The following MCTP1 variants were observed in gnomAD, a reference collection of about 807,000 sequenced individuals.
The protein encoded by MCTP1 is multiple C2 and transmembrane domain containing 1, also known as multiple C2 and transmembrane domain-containing protein 1.
Under a neutral mutation model 120.6 loss-of-function variants are expected in MCTP1, and 69 were observed. The ratio of observed to expected loss-of-function variants is 0.57; its 90% CI spans 0.47 to 0.70. MCTP1 has a LOEUF of 0.70. MCTP1 is among the 30% of genes least tolerant of loss of function. The probability of loss-of-function intolerance (pLI) is 0.00; values close to 1 mark genes in which losing one functional copy is unlikely to be tolerated. For synonymous variants in MCTP1, 529 were observed against 493.1 expected (o/e 1.07, Z -0.96); for missense variants, 1,203 against 1,248.8 (o/e 0.96, Z 0.55).
intron 19 of MCTP1, among the ~76,000 whole-genome samples, chr5:94,735,452 T>A (rs994865352): frequency 3.3e-5 from 5 of 152,180 alleles, no homozygotes; most frequent in Non-Finnish European, 7.3e-5. Flanking sequence ...TTAATTTTTT[T>A]TTTAAATAGA....
chr5:94,819,139 A>ATTCT (rs1481047069), intron 17 of MCTP1, among the ~76,000 whole-genome samples: 31 of 145,408 alleles, frequency 2.1e-4, no homozygotes, highest in Non-Finnish European at 3.2e-4. Flanking sequence ...TCATTCTTTC[A>ATTCT]TTCATTCGAG....
chr5:94,779,003 T>C, intron 19 of MCTP1, 107 bp downstream of exon 19: 1 of 966,314 alleles, frequency 1.0e-6, no homozygotes, highest in Non-Finnish European at 1.7e-6. Context: ...CACTGTCCAA[T>C]TTTCTGGACT....
chr5:94,901,551 G>C (rs942430822), intron 10 of MCTP1, among the ~76,000 whole-genome samples: 2 of 151,962 alleles, frequency 1.3e-5, no homozygotes, highest in African/African-American at 4.8e-5. Context: ...GAAAAATTAA[G>C]TGATGGCAAG....
At chr5:95,055,506 C>T (rs1468587729) in intron 1 of MCTP1, among the ~76,000 whole-genome samples, 4 of 152,176 alleles carry the variant, frequency 2.6e-5, no homozygotes, top group African/African-American at 4.8e-5. Flanking sequence ...TTATAAACAG[C>T]TCTAGAAAGA....
At chr5:95,117,989 A>T (rs1757943573) in intron 1 of MCTP1, among the ~76,000 whole-genome samples, 1 of 152,192 alleles carries the variant, frequency 6.6e-6, no homozygotes, top group Non-Finnish European at 1.5e-5. Context: ...CAGGGAGAAG[A>T]AAGGGGAACA....
At chr5:94,854,070 G>A (rs1266893370) in intron 17 of MCTP1, among the ~76,000 whole-genome samples, 2 of 151,752 alleles carry the variant, frequency 1.3e-5, no homozygotes, top group African/African-American at 4.8e-5. Flanking sequence ...GATGGGATGG[G>A]TTTAAGGATA....
chr5:95,002,794 T>C (rs1022722006), intron 2 of MCTP1, among the ~76,000 whole-genome samples: 14 of 152,106 alleles, frequency 9.2e-5, no homozygotes, highest in African/African-American at 3.4e-4. Flanking sequence ...AGTTAAGACT[T>C]TGGGAGACTG....
rs549092704 is a variant in MCTP1 at position 94,837,221 on chromosome 5, TA to T, written c.2436+31111del. ...AGCAAGACCTCATCTCTACTAAAAA[TA>T]AAAAAACATTAGCCAGGGCATGGTG... is the stretch of plus-strand genomic sequence containing the variant. On this transcript the variant is annotated intron_variant, in intron 17 of 22. Transcript: ENST00000515393. Among the ~76,000 whole-genome samples, 8 of 151,796 alleles carry T rather than the reference TA, an allele frequency of 5.3e-5. No homozygotes were observed. In the South Asian group the frequency reaches 1.7e-3, roughly 32 times the overall value.
chr5:94,867,948 A>C (rs1797131118), intron 17 of MCTP1: 1 of 159,060 alleles, frequency 6.3e-6, no homozygotes, highest in Non-Finnish European at 1.4e-5. Context: ...AAAAAAATTA[A>C]CTATAGGACA....
intron 2 of MCTP1, among the ~76,000 whole-genome samples, chr5:94,956,504 A>G (rs1822649584): frequency 6.6e-6 from 1 of 152,198 alleles, no homozygotes; most frequent in Non-Finnish European, 1.5e-5. Flanking sequence ...CAATGCAAGG[A>G]GGCTAAAAGC....
At chr5:94,826,233 T>C (rs1787038894) in intron 17 of MCTP1, 3 of 434,858 alleles carry the variant, frequency 6.9e-6, no homozygotes, top group East Asian at 1.0e-4. Context: ...TAACCATGCT[T>C]GTAGATTAGT....
At chr5:95,204,765 T>C (rs1420169277) in intron 1 of MCTP1, among the ~76,000 whole-genome samples, 1 of 152,070 alleles carries the variant, frequency 6.6e-6, no homozygotes. Context: ...TCATTTACAA[T>C]AGCTTGAAAA....
At chr5:94,818,868 C>A (rs1785021275) in intron 17 of MCTP1, among the ~76,000 whole-genome samples, 1 of 152,118 alleles carries the variant, frequency 6.6e-6, no homozygotes, top group African/African-American at 2.4e-5. Flanking sequence ...TTACCAAATT[C>A]AATTTTTCTC....
chr5:95,219,904 C>T (rs548417578), intron 1 of MCTP1, among the ~76,000 whole-genome samples: 1 of 152,178 alleles, frequency 6.6e-6, no homozygotes, highest in East Asian at 1.9e-4. Context: ...AATTTAAAAG[C>T]CAAAAATCAA....
chr5:94,959,832 T>C lies in MCTP1; in HGVS notation c.839-6471A>G, dbSNP rs528746337. On this transcript the variant is annotated intron_variant, in intron 2 of 22. Transcript: ENST00000515393. ...ATAGGAAGAATCAATATCGTGAAAA[T>C]GGCCATACTGCCCAAAGTAATTTAT... Among the ~76,000 whole-genome samples the C allele has an allele frequency of 4.6e-5, 7 of 152,302 alleles. No homozygotes were observed. The South Asian group carries it at 1.4e-3, about 32-fold the overall frequency.
At chr5:95,174,364 T>G (rs1747723747) in intron 1 of MCTP1, among the ~76,000 whole-genome samples, 1 of 151,996 alleles carries the variant, frequency 6.6e-6, no homozygotes, top group African/African-American at 2.4e-5. Flanking sequence ...GAAAAGATAC[T>G]AAACCCAAGA....
chr5:94,727,804 C>G (rs763003504), intron 19 of MCTP1, among the ~76,000 whole-genome samples: 4 of 152,180 alleles, frequency 2.6e-5, no homozygotes, highest in African/African-American at 4.8e-5. Flanking sequence ...ACAGTAACAT[C>G]ATCCACCACT....
At chr5:95,057,721 G>A (rs138935708) in intron 1 of MCTP1, among the ~76,000 whole-genome samples, 79 of 152,060 alleles carry the variant, frequency 5.2e-4, no homozygotes, top group African/African-American at 1.9e-3. Flanking sequence ...ATGGCATTTC[G>A]TACCCAGATT....
chr5:94,796,373 G>T (rs1240822130), intron 18 of MCTP1, among the ~76,000 whole-genome samples: 3 of 151,722 alleles, frequency 2.0e-5, no homozygotes, highest in South Asian at 4.1e-4. Flanking sequence ...CCAATGGTGT[G>T]ATTAATGCAC....
Sources: gnomAD v4.1 joint callset for allele counts (sites outside exome capture counted in the v4.1 genomes callset) on GRCh38, gnomAD v4.1.1 for gene constraint, MANE v1.5 for transcripts, NCBI Gene and HGNC (gene_info 2026-07-23, HGNC 2026-07-21) for gene names.